BRWD3: variants seen among roughly 807,000 people sequenced by gnomAD.
The protein encoded by BRWD3 is bromodomain and WD repeat domain containing 3, also known as bromodomain and WD repeat-containing protein 3.
In BRWD3, 10 loss-of-function variants were observed where a neutral mutation model predicts 149.7. The ratio of observed to expected loss-of-function variants is 0.07; its 90% CI spans 0.04 to 0.11. The LOEUF is 0.11. Among genes scored for constraint, BRWD3 ranks in the 10% least tolerant of loss-of-function variants. BRWD3 has a pLI of 1.00. For missense variants in BRWD3, 940 were observed against 1,373.2 expected (o/e 0.68, Z 4.99); for synonymous variants, 504 against 456.7 (o/e 1.10, Z -1.32).
At chrX:80,745,420 G>C in intron 7 of BRWD3, 149 bp downstream of exon 7, 1 of 480,027 alleles carries the variant, frequency 2.1e-6, no homozygotes. Flanking sequence ...TATAAAATGA[G>C]AAACTTTTTT....
At chrX:80,708,420 G>A (rs2072901751) in intron 21 of BRWD3, among the ~76,000 whole-genome samples, 1 of 101,865 alleles carries the variant, frequency 9.8e-6, no homozygotes, top group African/African-American at 3.6e-5. Flanking sequence ...TAAAGGGTGG[G>A]GGAAGCATCA....
At position 80,670,382 on chromosome X, in the gene BRWD3, T is replaced by A. The variant is rs1320283277; in HGVS notation, c.*6227A>T. Among the ~76,000 whole-genome samples the A allele has an allele frequency of 9.0e-6, 1 of 110,899 alleles. No individual in the cohort carries two copies. Among genetic ancestry groups the A allele is most frequent in the East Asian group, 2.8e-4 (1 of 3,535 alleles). On this transcript the variant is annotated 3_prime_UTR_variant, in exon 41 of 41. Transcript: ENST00000373275. ...ATTTTGGTAAAGTAGCTTTAAATTG[T>A]CAAGAACATATAATTGAGAGAGGAT...
chrX:80,711,700 T>C (rs1488430806), intron 20 of BRWD3, among the ~76,000 whole-genome samples: 1 of 112,105 alleles, frequency 8.9e-6, no homozygotes, highest in Non-Finnish European at 1.9e-5. Context: ...ACCCAGACAT[T>C]TCCTTCCATT....
chrX:80,765,339 T>A, intron 6 of BRWD3, among the ~76,000 whole-genome samples: 1 of 111,895 alleles, frequency 8.9e-6, no homozygotes, highest in Middle Eastern at 4.6e-3. Context: ...AGAAAGAGAA[T>A]GTCTGAAATA....
At chrX:80,795,501 GTATATGTATGTATACATATACA>G (rs1418017098) in intron 4 of BRWD3, among the ~76,000 whole-genome samples, 1 of 108,670 alleles carries the variant, frequency 9.2e-6, no homozygotes, top group East Asian at 2.9e-4. Flanking sequence ...GTGTATATAT[GTATATGTATGTATACATATACA>G]TATATGTGTG....
chrX:80,737,831 TCAA>T (rs750558251), intron 8 of BRWD3, among the ~76,000 whole-genome samples: 10 of 112,458 alleles, frequency 8.9e-5, no homozygotes, highest in African/African-American at 2.3e-4. Flanking sequence ...CAAGACTGTC[TCAA>T]CAACAACATC....
intron 4 of BRWD3, among the ~76,000 whole-genome samples, chrX:80,798,752 T>A (rs2147863156): frequency 8.9e-6 from 1 of 111,795 alleles, no homozygotes; most frequent in Admixed American, 9.6e-5. Context: ...GGCAACATAG[T>A]GAGACCTCCA....
intron 4 of BRWD3, among the ~76,000 whole-genome samples, chrX:80,795,074 TA>T (rs1298946801): frequency 9.0e-6 from 1 of 111,375 alleles, no homozygotes; most frequent in Admixed American, 9.6e-5. Context: ...AACTTGTTTT[TA>T]AAAAAACAAG....
At chrX:80,767,318 C>G (rs1249594826) in intron 6 of BRWD3, among the ~76,000 whole-genome samples, 1 of 111,660 alleles carries the variant, frequency 9.0e-6, no homozygotes, top group Non-Finnish European at 1.9e-5. Context: ...ACACCTCATA[C>G]AGCCCGGTGC....
intron 4 of BRWD3, among the ~76,000 whole-genome samples, chrX:80,804,206 T>C (rs1056610001): frequency 9.0e-6 from 1 of 111,400 alleles, no homozygotes; most frequent in African/African-American, 3.3e-5. Context: ...TGTAAAACTA[T>C]ATACCACACC....
chrX:80,738,400 G>A (rs939684602), intron 8 of BRWD3, among the ~76,000 whole-genome samples: 2 of 111,814 alleles, frequency 1.8e-5, no homozygotes, highest in Non-Finnish European at 3.8e-5. Context: ...AAAGTAACAC[G>A]TAATTCTGCC....
At chrX:80,789,369 CT>C (rs1286064785) in intron 6 of BRWD3, among the ~76,000 whole-genome samples, 1 of 111,493 alleles carries the variant, frequency 9.0e-6, no homozygotes, top group African/African-American at 3.3e-5. Flanking sequence ...AGTTTCCATG[CT>C]TAAATTTTTT....
rs2073451146 is a variant in BRWD3, at chrX:80,739,348, G to T, written c.814-3260C>A. On this transcript the variant is annotated intron_variant, in intron 8 of 40. Transcript: ENST00000373275. ...AAGGAAGAAAAAATAGTTCAATAAT[G>T]AATATAATGAGTTTGAAATACCTAG... Among the ~76,000 whole-genome samples, 3 of 111,695 alleles carry T rather than the reference G, an allele frequency of 2.7e-5. No individual in the cohort carries two copies. The South Asian group carries it at 1.1e-3, about 42-fold the overall frequency.
intron 20 of BRWD3, among the ~76,000 whole-genome samples, chrX:80,713,561 C>T (rs868348529): frequency 1.5e-4 from 16 of 109,594 alleles, no homozygotes; most frequent in African/African-American, 2.0e-4. Flanking sequence ...TGCGGAAGGC[C>T]GCAGGGTCCT....
At chrX:80,690,884 A>T (rs1026247147) in intron 31 of BRWD3, among the ~76,000 whole-genome samples, 169 bp downstream of exon 31, 1 of 111,565 alleles carries the variant, frequency 9.0e-6, no homozygotes, top group Non-Finnish European at 1.9e-5. Flanking sequence ...TATCCCCAAG[A>T]GTGAGAATCT....
At position 80,672,139 on chromosome X, in the gene BRWD3, T is replaced by G. The variant is rs945866225; in HGVS notation, c.*4470A>C. On this transcript the variant is annotated 3_prime_UTR_variant, in exon 41 of 41. Coordinates refer to ENST00000373275, the MANE Select transcript of BRWD3 (RefSeq NM_153252.5). The stretch of plus-strand genomic sequence containing the variant: ...TAGAAGAAATGGGCATACATGTAAA[T>G]AAACAAACACAACTTAATTCTAAAC... The G allele has an allele frequency of 9.1e-6, 1 of 110,017 alleles. No homozygotes were observed. The highest frequency in any genetic ancestry group is 4.6e-3 in the Middle Eastern group (1 of 217). 9.1% of individuals were successfully genotyped at this position (110,017 alleles called of 1,213,427 possible).
intron 4 of BRWD3, among the ~76,000 whole-genome samples, chrX:80,803,145 T>A (rs1602456399): frequency 1.9e-5 from 2 of 105,464 alleles, no homozygotes; most frequent in South Asian, 9.0e-4. Context: ...AGCAAGGGCA[T>A]CTCTAAATTA....
In BRWD3 at chrX:80,676,345, C is replaced by CTGTGTGTG. The variant is rs1054874087; in HGVS notation, c.*256_*263dup. On this transcript the variant is annotated 3_prime_UTR_variant, in exon 41 of 41. Transcript: ENST00000373275. Reference sequence around the variant, plus strand: ...TGTGTTGTGTTTCGTGTGTGTGTGTCTGTGTGTGTGTATGTGTGTGTATGT... The same window carrying CTGTGTGTG: ...TGTGTTGTGTTTCGTGTGTGTGTGTCTGTGTGTGTGTGTGTGTGTATGTGTGTGTATGT... 27 of 343,502 alleles carry CTGTGTGTG rather than the reference C, an allele frequency of 7.9e-5. No homozygotes were observed. In the Admixed American group the frequency reaches 1.3e-3, roughly 17 times the overall value. The allele number at this position is 343,502 out of a possible 1,213,427, so 28.3% of individuals were successfully genotyped here.
At chrX:80,698,636 G>A (rs1171340438) in intron 25 of BRWD3, among the ~76,000 whole-genome samples, 1 of 109,224 alleles carries the variant, frequency 9.2e-6, no homozygotes, top group South Asian at 4.1e-4. Context: ...TTGAACCTGG[G>A]AGGCGGAGGT....
Sources: allele counts gnomAD v4.1 joint callset (sites outside exome capture counted in the v4.1 genomes callset), GRCh38; gene constraint gnomAD v4.1.1; transcripts MANE v1.5; gene names NCBI Gene and HGNC (gene_info 2026-07-23, HGNC 2026-07-21).